The following WARS2 variants were observed in gnomAD, a reference collection of about 807,000 sequenced individuals.
WARS2 encodes the protein tryptophan--tRNA ligase, mitochondrial.
WARS2 carries 28 observed loss-of-function variants against 36.5 expected under a neutral mutation model. The ratio of observed to expected loss-of-function variants is 0.77; its 90% CI spans 0.57 to 1.05. WARS2 has a LOEUF of 1.05. Ranked by LOEUF, WARS2 falls within the 50% of genes least tolerant of loss-of-function variation. The pLI is 0.00. For missense variants in WARS2, 435 were observed against 456.8 expected, an observed-to-expected ratio of 0.95 and a Z score of 0.44; for synonymous variants, 174 against 178.4, an observed-to-expected ratio of 0.98 and a Z score of 0.20.
intron 1 of WARS2, among the ~76,000 whole-genome samples, chr1:119,133,786 T>C (rs1297431519): frequency 6.6e-6 from 1 of 152,100 alleles, no homozygotes; most frequent in Non-Finnish European, 1.5e-5. Context: ...GTCACTGAAG[T>C]AAAACTTGAA....
intron 1 of WARS2, among the ~76,000 whole-genome samples, chr1:119,078,710 T>C (rs746973078): frequency 6.6e-6 from 1 of 152,224 alleles, no homozygotes; most frequent in Non-Finnish European, 1.5e-5. Context: ...CTGTACATAT[T>C]CTAGATGCTA....
chr1:119,036,135 G>A (rs892067066), intron 4 of WARS2, among the ~76,000 whole-genome samples: 7 of 152,182 alleles, frequency 4.6e-5, no homozygotes, highest in African/African-American at 7.2e-5. Context: ...ACCCGGAGGC[G>A]GAGGTGGAGG....
chr1:119,048,892 G>C (rs1279275640), intron 2 of WARS2, among the ~76,000 whole-genome samples: 5 of 151,948 alleles, frequency 3.3e-5, no homozygotes, highest in Admixed American at 3.3e-4. Flanking sequence ...GGCGAAACCC[G>C]TCTCTACTAA....
chr1:119,078,310 C>T (rs1326274809), intron 1 of WARS2, among the ~76,000 whole-genome samples: 4 of 152,152 alleles, frequency 2.6e-5, no homozygotes, highest in African/African-American at 9.7e-5. Context: ...CATTATTATA[C>T]AGGTATCTTA....
At chr1:119,093,474 A>ATACTAGATTACAGTGGGCTC (rs11273417) in intron 1 of WARS2, among the ~76,000 whole-genome samples, 1 of 146,722 alleles carries the variant, frequency 6.8e-6, no homozygotes, top group Non-Finnish European at 1.5e-5. Flanking sequence ...AGATGAAGTC[A>ATACTAGATTACAGTGGGCTC]TAAATACAAT....
intron 1 of WARS2, among the ~76,000 whole-genome samples, chr1:119,094,272 G>C (rs1332697233): frequency 6.6e-6 from 1 of 151,262 alleles, no homozygotes; most frequent in African/African-American, 2.4e-5. Flanking sequence ...TATTTCCTTT[G>C]GTAAAAAAAA....
chr1:119,062,226 T>TA (rs909583804), intron 2 of WARS2, among the ~76,000 whole-genome samples: 2 of 152,174 alleles, frequency 1.3e-5, no homozygotes, highest in Non-Finnish European at 2.9e-5. Context: ...GGGACTGCTC[T>TA]AGTAAGGACT....
At chr1:119,106,887 T>A (rs967316956) in intron 1 of WARS2, among the ~76,000 whole-genome samples, 5 of 152,224 alleles carry the variant, frequency 3.3e-5, no homozygotes, top group African/African-American at 1.2e-4. Flanking sequence ...ACTGCCAGAT[T>A]GTCTTCCAAG....
chr1:119,088,435 A>AACACACACACACACACACACAC, intron 1 of WARS2, among the ~76,000 whole-genome samples: 1 of 149,064 alleles, frequency 6.7e-6, no homozygotes, highest in East Asian at 2.0e-4. Flanking sequence ...GAAACACTGA[A>AACACACACACACACACACACAC]ACACACACAC....
intron 1 of WARS2, among the ~76,000 whole-genome samples, chr1:119,120,418 G>A (rs587620990): frequency 1.2e-3 from 187 of 151,584 alleles, no homozygotes; most frequent in Non-Finnish European, 2.2e-3. Context: ...AAAAAACATT[G>A]CCAACAAAAA....
intron 2 of WARS2, among the ~76,000 whole-genome samples, chr1:119,074,881 T>A (rs1419339229): frequency 6.6e-6 from 1 of 152,104 alleles, no homozygotes; most frequent in African/African-American, 2.4e-5. Context: ...CTAAGTGAAA[T>A]CATTCAGAAA....
chr1:119,125,422 T>C (rs1655586887), intron 1 of WARS2, among the ~76,000 whole-genome samples: 2 of 152,254 alleles, frequency 1.3e-5, no homozygotes, highest in Admixed American at 1.3e-4. Flanking sequence ...TAATTACTTG[T>C]TGCCTGTCTC....
rs587633330 is a variant in WARS2 at position 119,108,769 on chromosome 1, C to A, written c.90+31786G>T. ...ACTTGCTTATTTTCAACTTAATGTG[C>A]TTTTATTTTGCTAGTTTACTATCTA... On this transcript the variant is annotated intron_variant, in intron 1 of 5. Coordinates refer to ENST00000235521, the MANE Select transcript of WARS2 (RefSeq NM_015836.4). 4.6e-5 allele frequency among the ~76,000 whole-genome samples: 7 copies of A among 151,886 alleles called. No homozygotes were observed. In the East Asian group the frequency reaches 1.4e-3, roughly 29 times the overall value.
intron 1 of WARS2, chr1:119,127,048 T>C: frequency 1.3e-6 from 1 of 759,866 alleles, no homozygotes; most frequent in Admixed American, 1.7e-5. Flanking sequence ...TTGAATTTTC[T>C]AAATGCAACT....
chr1:119,130,394 T>C (rs1397336604), intron 1 of WARS2, among the ~76,000 whole-genome samples: 1 of 152,124 alleles, frequency 6.6e-6, no homozygotes, highest in African/African-American at 2.4e-5. Context: ...TATAAAGAGG[T>C]GGCAAATCCT....
intron 1 of WARS2, among the ~76,000 whole-genome samples, chr1:119,105,134 C>A (rs1355603471): frequency 1.3e-5 from 2 of 152,116 alleles, no homozygotes; most frequent in African/African-American, 4.8e-5. Context: ...ACAGACTTGA[C>A]AAATACCTGG....
chr1:119,076,570 G>A lies in WARS2; in HGVS notation c.128C>T (p.Pro43Leu). 3.7e-6 allele frequency: 6 copies of A among 1,614,152 alleles called. No individual in the cohort carries two copies. Among genetic ancestry groups the A allele is most frequent in the Non-Finnish European group, 5.1e-6 (6 of 1,180,026 alleles). ...SKKRVFSGIQ[P>L]TGILHLGNYL... is the part of the protein sequence containing the mutation. Reference sequence around the variant, plus strand: ...ATTGCCCAGGTGGAGGATTCCTGTAGGTTGAATGCCGGAAAATACTCGCTT... The same window carrying A: ...ATTGCCCAGGTGGAGGATTCCTGTAAGTTGAATGCCGGAAAATACTCGCTT... Residue 43 changes from proline to leucine, a missense_variant, in exon 2 of 6, where the codon CCT (proline) becomes CTT (leucine). Physicochemically the swap from Pro to Leu is moderately conservative, Grantham distance 98. Coordinates refer to ENST00000235521, the MANE Select transcript of WARS2 (RefSeq NM_015836.4).
At chr1:119,093,658 A>G (rs1259545650) in intron 1 of WARS2, among the ~76,000 whole-genome samples, 1 of 152,092 alleles carries the variant, frequency 6.6e-6, no homozygotes, top group Admixed American at 6.6e-5. Context: ...TTAGAGTCTT[A>G]AGAAGCATGC....
chr1:119,125,482 C>A (rs1165015872), intron 1 of WARS2, among the ~76,000 whole-genome samples: 1 of 152,176 alleles, frequency 6.6e-6, no homozygotes, highest in Admixed American at 6.5e-5. Context: ...TCTCCAATAT[C>A]TACCATATAA....
Sources: gnomAD v4.1 joint callset for allele counts (sites outside exome capture counted in the v4.1 genomes callset) on GRCh38, gnomAD v4.1.1 for gene constraint, MANE v1.5 for transcripts, NCBI Gene and HGNC (gene_info 2026-07-23, HGNC 2026-07-21) for gene names.